The following TUT1 variants were observed in gnomAD, a reference collection of about 807,000 sequenced individuals.
TUT1 encodes the protein speckle targeted PIP5K1A-regulated poly(A) polymerase.
A neutral mutation model predicts 48.8 loss-of-function variants in TUT1; 26 were observed. The observed-to-expected ratio is 0.53, with a 90% CI of 0.39 to 0.74. The LOEUF is 0.74. TUT1 is among the 30% of genes least tolerant of loss of function. The pLI is 0.00. For synonymous variants in TUT1, 470 were observed against 460.8 expected, an observed-to-expected ratio of 1.02 and a Z score of -0.26; for missense variants, 1,065 against 1,114.8, an observed-to-expected ratio of 0.96 and a Z score of 0.64.
chr11:62,584,551 C>T lies in TUT1; in HGVS notation c.274-2850G>A, dbSNP rs568726691. On this transcript the variant is annotated intron_variant, in intron 2 of 8. Transcript: ENST00000476907. Reference sequence around the variant, plus strand: ...CTGCCTCCCAGGTTCAAGTGATTCTCCTGCTTTCTGCCTCCCGAGTAGCTA... The same window carrying T: ...CTGCCTCCCAGGTTCAAGTGATTCTTCTGCTTTCTGCCTCCCGAGTAGCTA... Among the ~76,000 whole-genome samples, 17 of 150,270 alleles carry T rather than the reference C, an allele frequency of 1.1e-4. No individual in the cohort carries two copies. The South Asian group carries it at 3.1e-3, about 28-fold the overall frequency.
At chr11:62,583,770 A>G (rs1228926619) in intron 2 of TUT1, among the ~76,000 whole-genome samples, 2 of 152,230 alleles carry the variant, frequency 1.3e-5, no homozygotes, top group African/African-American at 2.4e-5. Flanking sequence ...ATAAAGATAG[A>G]CATTCAGATG....
intron 4 of TUT1, 120 bp downstream of exon 4, chr11:62,580,986 G>A: frequency 1.4e-6 from 1 of 724,708 alleles, no homozygotes; most frequent in East Asian, 2.5e-5. Context: ...CTTTCAGGTA[G>A]GTCCTATTAT....
chr11:62,578,770 C>G lies in TUT1; in HGVS notation c.951G>C (p.Glu317Asp). 1 of 1,614,170 alleles carries G rather than the reference C, an allele frequency of 6.2e-7. No individual in the cohort carries two copies. Among genetic ancestry groups the G allele is most frequent in the Non-Finnish European group, 8.5e-7 (1 of 1,180,030 alleles). The stretch of plus-strand genomic sequence containing the variant: ...GTTCCGAGGCCTTCCCCAGGTCCCC[C>G]TCTTCCCTGTCCTCTAGCAGTGGTG... ...PASPLLEDRE[E>D]GDLGKASELA... The change falls in exon 5 of 9, where the codon GAG becomes GAC. Residue 317 changes from glutamate to aspartate, a missense_variant. Glu to Asp is a conservative substitution (Grantham distance 45). Transcript: ENST00000476907.
chr11:62,575,740 CT>C lies in TUT1; in HGVS notation c.1978del (p.Arg660AspfsTer4). The C allele has an allele frequency of 6.2e-7, 1 of 1,614,192 alleles. No individual in the cohort carries two copies. The highest frequency in any genetic ancestry group is 1.3e-5 in the African/African-American group (1 of 75,054). On this transcript the variant is annotated frameshift_variant, in exon 9 of 9. Transcript: ENST00000476907. LOFTEE classifies it low-confidence loss of function (END_TRUNC). ...GESSQGGTSK[R>X]LKVDGQKNCC... ...GTTTTTCTGTCCATCTACTTTGAGT[CT>C]TTTGCTTGTCCCTCCCTGAGAGGAC...
chr11:62,576,285 A>G, intron 8 of TUT1, 41 bp from the exon 9 acceptor site: 1 of 1,487,378 alleles, frequency 6.7e-7, no homozygotes, highest in South Asian at 1.4e-5. Flanking sequence ...GGTCACTTAG[A>G]GGCCAGAACT....
In TUT1 at chr11:62,589,164, C is replaced by T. The variant is rs750493473; in HGVS notation, c.140G>A (p.Arg47Gln). ...AAGTCCCTGGGCCTTTCTCGCAGCT[C>T]GTAGTTCTACCAGGTGCCGGTGCTT... is the stretch of plus-strand genomic sequence containing the variant. ...GRKHRHLVEL[R>Q]AARKAQGLRS... The change falls in exon 2 of 9, where the codon CGA (arginine) becomes CAA (glutamine). Residue 47 changes from arginine to glutamine, a missense_variant. Arg to Gln is a conservative substitution (Grantham distance 43). Coordinates refer to ENST00000476907, the MANE Select transcript of TUT1 (RefSeq NM_022830.3). 2.0e-5 allele frequency: 32 copies of T among 1,614,118 alleles called. No homozygotes were observed. The highest frequency in any genetic ancestry group is 2.6e-5 in the Non-Finnish European group (31 of 1,180,052).
At chr11:62,581,741 AAGAATCTAAGC>A in intron 2 of TUT1, 40 bp from the exon 3 acceptor site, 2 of 1,373,232 alleles carry the variant, frequency 1.5e-6, no homozygotes, top group South Asian at 1.8e-5. Context: ...TTTTGGAACC[AAGAATCTAAGC>A]ACGAGATCTA....
intron 4 of TUT1, among the ~76,000 whole-genome samples, chr11:62,579,594 C>T (rs114808873): frequency 1.0e-3 from 159 of 151,484 alleles, no homozygotes; most frequent in African/African-American, 3.6e-3. Context: ...GCGGGGGCAG[C>T]AGGCATATAG....
At position 62,575,669 on chromosome 11, in the gene TUT1, C is replaced by G. The variant is rs1221306480; in HGVS notation, c.2050G>C (p.Gly684Arg). The change falls in exon 9 of 9, where the codon GGT becomes CGT. Residue 684 changes from glycine (G) to arginine (R), a missense_variant. By Grantham distance (125) the Gly-to-Arg change is moderately radical (BLOSUM62 -2). Coordinates refer to ENST00000476907, the MANE Select transcript of TUT1 (RefSeq NM_022830.3). ...ATCTCTTCTACCCTGTCTTCCCCAC[C>G]GTCCCCTGCACATCCCTGCTGCTCC... ...KEEQQGCAGD[G>R]GEDRVEEMVI... The G allele has an allele frequency of 6.2e-7, 1 of 1,614,050 alleles. No individual in the cohort carries two copies. Among genetic ancestry groups the G allele is most frequent in the Admixed American group, 1.7e-5 (1 of 60,028 alleles).
Position 62,578,719 on chromosome 11 carries a change from T to C in TUT1, c.1002A>G (p.Lys334=), listed in dbSNP as rs570503810. 3.7e-6 allele frequency: 6 copies of C among 1,614,130 alleles called. No individual in the cohort carries two copies. In the East Asian group the frequency reaches 1.1e-4, roughly 30 times the overall value. ...SELAETPKEE[K]AEGAAMLELV... ...GCTCCAGCATTGCTGCCCCCTCTGC[T>C]TTCTCCTCCTTTGGGGTCTCTGCTA... The change falls in exon 5 of 9, where the codon AAA becomes AAG. Residue 334 remains lysine (K), a synonymous_variant. Transcript: ENST00000476907.
chr11:62,576,434 T>C, intron 8 of TUT1, 190 bp from the exon 9 acceptor site: 1 of 824,242 alleles, frequency 1.2e-6, no homozygotes, highest in South Asian at 1.9e-5. Flanking sequence ...CCACATGATG[T>C]CCTTGCCCAG....
chr11:62,578,307 G>A (rs1039851324), intron 5 of TUT1, among the ~76,000 whole-genome samples: 1 of 152,126 alleles, frequency 6.6e-6, no homozygotes, highest in African/African-American at 2.4e-5. Context: ...CGCACTTTGG[G>A]AGGCCGAGGC....
At chr11:62,577,459 A>C in intron 5 of TUT1, 168 bp from the exon 6 acceptor site, 1 of 611,098 alleles carries the variant, frequency 1.6e-6, no homozygotes, top group East Asian at 2.9e-5. Context: ...AGGACAAAGG[A>C]GTTCGGGAAA....
chr11:62,591,289 G>C, intron 1 of TUT1, 115 bp downstream of exon 1: 1 of 1,414,208 alleles, frequency 7.1e-7, no homozygotes. Flanking sequence ...GGAGGTGAGA[G>C]ACCCTACCAA....
chr11:62,586,439 A>G (rs898214309), intron 2 of TUT1, among the ~76,000 whole-genome samples: 1 of 152,206 alleles, frequency 6.6e-6, no homozygotes, highest in African/African-American at 2.4e-5. Context: ...AAGTGTACAT[A>G]ATGTGCTTAG....
intron 5 of TUT1, 49 bp downstream of exon 5, chr11:62,578,512 T>G (rs1265484624): frequency 6.6e-7 from 1 of 1,524,744 alleles, no homozygotes; most frequent in Non-Finnish European, 8.9e-7. Flanking sequence ...ACCACTGTAC[T>G]CCAGCCTGGG....
chr11:62,578,499 G>T, intron 5 of TUT1, 62 bp downstream of exon 5: 1 of 1,450,932 alleles, frequency 6.9e-7, no homozygotes, highest in South Asian at 1.4e-5. Flanking sequence ...GAGCCAAGAT[G>T]GCACCACTGT....
chr11:62,590,027 C>A (rs1427316280), intron 1 of TUT1, among the ~76,000 whole-genome samples: 1 of 152,210 alleles, frequency 6.6e-6, no homozygotes, highest in Non-Finnish European at 1.5e-5. Context: ...GAAAAACTAA[C>A]CGTTGCTATT....
intron 1 of TUT1, 83 bp from the exon 2 acceptor site, chr11:62,589,304 T>C: frequency 1.5e-6 from 2 of 1,344,666 alleles, no homozygotes; most frequent in Non-Finnish European, 2.0e-6. Flanking sequence ...TAAATCTTAC[T>C]GATCCTTCCA....
Sources: allele counts gnomAD v4.1 joint callset (sites outside exome capture counted in the v4.1 genomes callset), GRCh38; gene constraint gnomAD v4.1.1; transcripts MANE v1.5; gene names NCBI Gene and HGNC (gene_info 2026-07-23, HGNC 2026-07-21).